The following FOCAD variants were observed in gnomAD, a reference collection of about 807,000 sequenced individuals.
The protein encoded by FOCAD is KIAA1797.
Under a neutral mutation model 225.6 loss-of-function variants are expected in FOCAD, and 198 were observed. The observed-to-expected ratio is 0.88, with a 90% CI of 0.78 to 0.99. The LOEUF is 0.99. FOCAD is among the 50% of genes least tolerant of loss of function. FOCAD has a pLI of 0.00. For missense variants in FOCAD, 2,713 were observed against 2,123.6 expected, an observed-to-expected ratio of 1.28 and a Z score of -5.46; for synonymous variants, 897 against 755.0, an observed-to-expected ratio of 1.19 and a Z score of -3.08.
chr9:20,911,912 TGATA>T (rs1223293953), intron 22 of FOCAD, among the ~76,000 whole-genome samples: 2 of 152,142 alleles, frequency 1.3e-5, no homozygotes, highest in Non-Finnish European at 2.9e-5. Context: ...AGAAAAATCC[TGATA>T]GTTAAGAAGA....
intron 11 of FOCAD, among the ~76,000 whole-genome samples, chr9:20,796,592 T>A (rs1468316364): frequency 6.6e-6 from 1 of 152,366 alleles, no homozygotes; most frequent in African/African-American, 2.4e-5. Context: ...TTCATGTGTC[T>A]TTTGGCTGCA....
chr9:20,992,600 G>A (rs1841765080), intron 42 of FOCAD, among the ~76,000 whole-genome samples: 3 of 152,222 alleles, frequency 2.0e-5, no homozygotes, highest in South Asian at 4.1e-4. Context: ...GCCCATCAGA[G>A]TGATGAGAGA....
chr9:20,718,758 A>G (rs1210927769), intron 3 of FOCAD, among the ~76,000 whole-genome samples: 2 of 152,340 alleles, frequency 1.3e-5, no homozygotes, highest in Admixed American at 6.5e-5. Flanking sequence ...TTAAACTGCC[A>G]GGATTTATTG....
intron 33 of FOCAD, 123 bp from the exon 34 acceptor site, chr9:20,950,872 AG>A (rs2132374320): frequency 1.4e-6 from 1 of 739,000 alleles, no homozygotes; most frequent in Admixed American, 1.9e-5. Flanking sequence ...ATCTTGTCAT[AG>A]GACTGCTCGT....
intron 11 of FOCAD, among the ~76,000 whole-genome samples, chr9:20,797,994 A>G (rs1228990137): frequency 6.6e-6 from 1 of 152,188 alleles, no homozygotes; most frequent in African/African-American, 2.4e-5. Flanking sequence ...TGTCATAGAT[A>G]GCTCTTATCA....
intron 2 of FOCAD, among the ~76,000 whole-genome samples, chr9:20,661,177 G>T (rs1170325770): frequency 6.6e-6 from 1 of 152,166 alleles, no homozygotes; most frequent in African/African-American, 2.4e-5. Context: ...TGAGAAGTAC[G>T]GAAGCAAAGT....
At chr9:20,836,061 G>C (rs745624767) in intron 15 of FOCAD, among the ~76,000 whole-genome samples, 2 of 152,078 alleles carry the variant, frequency 1.3e-5, no homozygotes, top group Non-Finnish European at 2.9e-5. Flanking sequence ...CATGGTGGAA[G>C]ATAGTTGTCC....
intron 18 of FOCAD, among the ~76,000 whole-genome samples, chr9:20,872,384 A>C (rs1464253180): frequency 6.6e-6 from 1 of 152,168 alleles, no homozygotes; most frequent in African/African-American, 2.4e-5. Flanking sequence ...AGAAATGATC[A>C]TATCCCTTTT....
rs1294014607 is a variant in FOCAD, at chr9:20,946,688, A to G, written c.3556-13A>G. On this transcript the variant is annotated splice_polypyrimidine_tract_variant and intron_variant, in intron 29 of 43. Coordinates refer to ENST00000338382, the MANE Select transcript of FOCAD (RefSeq NM_001375567.1). ...TCCTGAAGACATATTTTTCTGCTGT[A>G]TTTTCTTCTCAGGTCCTTGCCTACA... The G allele has an allele frequency of 6.3e-7, 1 of 1,599,410 alleles. No homozygotes were observed. Among genetic ancestry groups the G allele is most frequent in the South Asian group, 1.1e-5 (1 of 88,488 alleles).
At chr9:20,926,447 A>T in intron 26 of FOCAD, 30 bp downstream of exon 26, 1 of 1,374,020 alleles carries the variant, frequency 7.3e-7, no homozygotes, top group East Asian at 2.3e-5. Flanking sequence ...AATGATCAGA[A>T]AACTCAAGAA....
intron 21 of FOCAD, among the ~76,000 whole-genome samples, chr9:20,904,857 C>G (rs112873845): frequency 0.023 from 3,502 of 152,042 alleles, 146 homozygotes; most frequent in African/African-American, 0.08. Flanking sequence ...ACATAATTGT[C>G]ATACTTTATA....
At chr9:20,763,208 A>G (rs899651765) in intron 6 of FOCAD, among the ~76,000 whole-genome samples, 13 of 152,258 alleles carry the variant, frequency 8.5e-5, no homozygotes, top group African/African-American at 3.1e-4. Context: ...ATGATTGAGC[A>G]TCTCTTTGAA....
At chr9:20,767,871 G>A (rs1237358015) in intron 7 of FOCAD, among the ~76,000 whole-genome samples, 2 of 151,776 alleles carry the variant, frequency 1.3e-5, no homozygotes, top group Non-Finnish European at 1.5e-5. Context: ...TGCCATTGCT[G>A]TTGGTGTTTT....
intron 38 of FOCAD, among the ~76,000 whole-genome samples, chr9:20,982,004 C>T (rs1057309626): frequency 2.0e-5 from 3 of 152,068 alleles, no homozygotes; most frequent in Non-Finnish European, 4.4e-5. Flanking sequence ...CTGGAGAATC[C>T]GTGGGCATGA....
chr9:20,813,968 T>A (rs1823367039), intron 11 of FOCAD, among the ~76,000 whole-genome samples: 1 of 152,198 alleles, frequency 6.6e-6, no homozygotes, highest in Non-Finnish European at 1.5e-5. Context: ...CATTTATCAT[T>A]ATATAATGTC....
chr9:20,899,787 T>G (rs1177839255), intron 21 of FOCAD, among the ~76,000 whole-genome samples: 1 of 151,916 alleles, frequency 6.6e-6, no homozygotes, highest in Non-Finnish European at 1.5e-5. Flanking sequence ...TTCAAAAACT[T>G]TGGATTTTTT....
At chr9:20,994,939 A>C (rs1054221193) in intron 43 of FOCAD, among the ~76,000 whole-genome samples, 1 of 150,770 alleles carries the variant, frequency 6.6e-6, no homozygotes, top group Non-Finnish European at 1.5e-5. Context: ...TTATATTTCA[A>C]ATAAAATATC....
At chr9:20,767,928 A>G (rs1830198916) in intron 7 of FOCAD, among the ~76,000 whole-genome samples, 1 of 152,114 alleles carries the variant, frequency 6.6e-6, no homozygotes, top group Admixed American at 6.5e-5. Flanking sequence ...GGTGATGCCT[A>G]GGTTTTCTTC....
At chr9:20,842,337 G>T (rs987937277) in intron 15 of FOCAD, among the ~76,000 whole-genome samples, 4 of 151,836 alleles carry the variant, frequency 2.6e-5, no homozygotes, top group Non-Finnish European at 5.9e-5. Context: ...TGAAGGTGGG[G>T]TGTTGATGTC....
Sources: gnomAD v4.1 joint callset for allele counts (sites outside exome capture counted in the v4.1 genomes callset) on GRCh38, gnomAD v4.1.1 for gene constraint, MANE v1.5 for transcripts, NCBI Gene and HGNC (gene_info 2026-07-23, HGNC 2026-07-21) for gene names.